Variants in SIPA1L1 observed in about 807,000 individuals in gnomAD.
SIPA1L1 encodes the protein signal induced proliferation associated 1 like 1, also known as signal-induced proliferation-associated 1-like protein 1.
A neutral mutation model predicts 162.7 loss-of-function variants in SIPA1L1; 26 were observed. The ratio of observed to expected loss-of-function variants is 0.16; its 90% confidence interval spans 0.12 to 0.22. SIPA1L1 has a LOEUF of 0.22. Among genes scored for constraint, SIPA1L1 ranks in the 10% least tolerant of loss-of-function variants. The pLI, the probability that SIPA1L1 is intolerant of heterozygous loss-of-function variation, is 1.00. For synonymous variants in SIPA1L1, 829 were observed against 837.4 expected, an observed-to-expected ratio of 0.99 and a Z score of 0.17; for missense variants, 1,874 against 2,241.0, an observed-to-expected ratio of 0.84 and a Z score of 3.31.
rs1470492833 is a variant in SIPA1L1, at chr14:71,724,810, C to T, written c.4589C>T (p.Thr1530Ile). The stretch of plus-strand genomic sequence containing the variant: ...AAACTAATTGATCTTGAAAGCCCAA[C>T]TCCTGAATCACAGAAGAGTTTTAAG... ...LKKLIDLESP[T>I]PESQKSFKFH... Residue 1530 changes from threonine (T) to isoleucine (I), a missense_variant, in exon 19 of 24, where the codon ACT becomes ATT. This residue lies in a region of SIPA1L1 where 936 missense variants were observed against 1,051.9 expected (regional missense o/e 0.89). Coordinates refer to ENST00000381232, the MANE Select transcript of SIPA1L1 (RefSeq NM_001386936.1). The T allele has an allele frequency of 3.1e-6, 5 of 1,614,056 alleles. No homozygotes were observed. Among genetic ancestry groups the T allele is most frequent in the Non-Finnish European group, 4.2e-6 (5 of 1,180,028 alleles).
At chr14:71,639,726 C>T (rs1237889902) in intron 7 of SIPA1L1, among the ~76,000 whole-genome samples, 8 of 152,154 alleles carry the variant, frequency 5.3e-5, no homozygotes, top group African/African-American at 1.4e-4. Flanking sequence ...GAAAGATAGA[C>T]ATGTGGATCG....
intron 13 of SIPA1L1, 28 bp downstream of exon 13, chr14:71,685,659 ATC>A: frequency 6.2e-7 from 1 of 1,610,738 alleles, no homozygotes; most frequent in South Asian, 1.1e-5. Flanking sequence ...GGTTTGCTCT[ATC>A]TCTCTCTGCC....
chr14:71,633,348 A>G (rs2040796817), intron 7 of SIPA1L1, among the ~76,000 whole-genome samples: 1 of 151,960 alleles, frequency 6.6e-6, no homozygotes, highest in Admixed American at 6.6e-5. Flanking sequence ...TAATTTTTGT[A>G]TTTTTAGTAG....
At chr14:71,716,574 C>T (rs975505329) in intron 17 of SIPA1L1, among the ~76,000 whole-genome samples, 25 of 152,130 alleles carry the variant, frequency 1.6e-4, no homozygotes, top group African/African-American at 2.2e-4. Flanking sequence ...ATCTCAGTGA[C>T]GATGCAGGAA....
chr14:71,632,298 G>A (rs1310978705), intron 7 of SIPA1L1, among the ~76,000 whole-genome samples: 1 of 152,124 alleles, frequency 6.6e-6, no homozygotes, highest in Admixed American at 6.5e-5. Flanking sequence ...CCCAGTCTTG[G>A]GCTGAAGAAG....
intron 2 of SIPA1L1, among the ~76,000 whole-genome samples, chr14:71,386,794 T>C (rs1042831882): frequency 2.0e-5 from 3 of 152,224 alleles, no homozygotes; most frequent in South Asian, 2.1e-4. Flanking sequence ...TTCAGTACCA[T>C]TGATTTAGAC....
intron 9 of SIPA1L1, among the ~76,000 whole-genome samples, chr14:71,660,487 T>A (rs1017825477): frequency 6.6e-6 from 1 of 152,144 alleles, no homozygotes; most frequent in Non-Finnish European, 1.5e-5. Flanking sequence ...TATGCCTTAA[T>A]GTCACCAGAG....
chr14:71,432,666 G>C (rs1178001325), intron 2 of SIPA1L1, among the ~76,000 whole-genome samples: 2 of 152,182 alleles, frequency 1.3e-5, no homozygotes, highest in Non-Finnish European at 2.9e-5. Context: ...AGAGACAGGA[G>C]GGCAGGAGAA....
At chr14:71,463,638 C>A (rs918920503) in intron 2 of SIPA1L1, among the ~76,000 whole-genome samples, 1 of 152,152 alleles carries the variant, frequency 6.6e-6, no homozygotes, top group African/African-American at 2.4e-5. Flanking sequence ...CTCAAGGGGA[C>A]CCGGCCTCCC....
intron 2 of SIPA1L1, among the ~76,000 whole-genome samples, chr14:71,352,828 T>C (rs994064262): frequency 6.6e-6 from 1 of 152,230 alleles, no homozygotes; most frequent in Non-Finnish European, 1.5e-5. Flanking sequence ...TAATGGCATG[T>C]GAGAGCTCCA....
chr14:71,652,751 C>T (rs2042734596), intron 8 of SIPA1L1, among the ~76,000 whole-genome samples: 2 of 151,808 alleles, frequency 1.3e-5, no homozygotes, highest in South Asian at 4.2e-4. Context: ...CATTGTTAAT[C>T]CCGTCCAGTG....
intron 16 of SIPA1L1, among the ~76,000 whole-genome samples, chr14:71,707,160 G>T (rs149607624): frequency 6.6e-6 from 1 of 151,278 alleles, no homozygotes; most frequent in East Asian, 1.9e-4. Flanking sequence ...CACACACACA[G>T]TTCCTTCTCT....
intron 6 of SIPA1L1, among the ~76,000 whole-genome samples, chr14:71,620,156 G>T (rs1320747839): frequency 6.6e-6 from 1 of 152,150 alleles, no homozygotes; most frequent in Non-Finnish European, 1.5e-5. Context: ...CGCAACCTTT[G>T]TCTCCTGGGT....
chr14:71,350,669 G>A (rs2036612616), intron 2 of SIPA1L1, among the ~76,000 whole-genome samples: 1 of 152,186 alleles, frequency 6.6e-6, no homozygotes, highest in Admixed American at 6.5e-5. Context: ...TTACAAGAGT[G>A]AAGTTAGGGA....
At chr14:71,710,097 A>G (rs1414133246) in intron 17 of SIPA1L1, among the ~76,000 whole-genome samples, 4 of 152,228 alleles carry the variant, frequency 2.6e-5, no homozygotes, top group Admixed American at 2.0e-4. Context: ...GATGCCAAGC[A>G]CGTCCTTTAC....
chr14:71,423,743 A>G (rs1280380171), intron 2 of SIPA1L1, among the ~76,000 whole-genome samples: 2 of 152,170 alleles, frequency 1.3e-5, no homozygotes, highest in African/African-American at 4.8e-5. Flanking sequence ...ATCAGAAAGT[A>G]TGAGTCTTCC....
At chr14:71,434,066 T>C (rs1444567521) in intron 2 of SIPA1L1, among the ~76,000 whole-genome samples, 1 of 152,250 alleles carries the variant, frequency 6.6e-6, no homozygotes, top group Non-Finnish European at 1.5e-5. Flanking sequence ...TTAGAATTGT[T>C]GAGACATTTG....
chr14:71,552,011 A>G (rs1312321958), intron 4 of SIPA1L1, among the ~76,000 whole-genome samples: 2 of 152,176 alleles, frequency 1.3e-5, no homozygotes, highest in African/African-American at 4.8e-5. Context: ...ACTTCTAGCC[A>G]TCTGACGTTT....
chr14:71,444,929 A>G (rs568757259), intron 2 of SIPA1L1, among the ~76,000 whole-genome samples: 1 of 152,324 alleles, frequency 6.6e-6, no homozygotes, highest in South Asian at 2.1e-4. Context: ...TGCCTAGAAG[A>G]GACAGTTCCT....
Sources: gnomAD v4.1 joint callset for allele counts (sites outside exome capture counted in the v4.1 genomes callset) on GRCh38, gnomAD v4.1.1 for gene constraint, gnomAD v4.1.1 regional missense constraint, MANE v1.5 for transcripts, NCBI Gene and HGNC (gene_info 2026-07-23, HGNC 2026-07-21) for gene names.